Variants in PRKCA observed in about 807,000 individuals in gnomAD.
PRKCA encodes protein kinase C alpha, also known as protein kinase C alpha type.
In PRKCA, 27 loss-of-function variants were observed where a neutral mutation model predicts 87.0. The observed-to-expected ratio is 0.31, with a 90% CI of 0.23 to 0.43. The LOEUF (loss-of-function observed/expected upper bound fraction) is 0.43, where lower values mean the gene tolerates loss of function less well. Ranked by LOEUF, PRKCA falls within the 20% of genes least tolerant of loss-of-function variation. PRKCA has a pLI of 1.00. For missense variants in PRKCA, 518 were observed against 852.3 expected, an observed-to-expected ratio of 0.61 and a Z score of 4.88; for synonymous variants, 329 against 311.1, an observed-to-expected ratio of 1.06 and a Z score of -0.61.
intron 3 of PRKCA, among the ~76,000 whole-genome samples, chr17:66,602,343 C>T (rs1232489885): frequency 2.1e-5 from 3 of 141,326 alleles, no homozygotes; most frequent in African/African-American, 8.2e-5. Context: ...CAGGTGCGTC[C>T]GTCACCCCTT....
Position 66,742,760 on chromosome 17 carries a change from G to A in PRKCA, c.1524G>A (p.Glu508=). 1 of 1,613,546 alleles carries A rather than the reference G, an allele frequency of 6.2e-7. No individual in the cohort carries two copies. Among genetic ancestry groups the A allele is most frequent in the African/African-American group, 1.3e-5 (1 of 75,024 alleles). ...GGACTCCAGATTATATCGCCCCAGAGGTAGGAACCCCAGTGATCGTTTTCT... is the reference window on the plus strand; with the variant it reads ...GGACTCCAGATTATATCGCCCCAGAAGTAGGAACCCCAGTGATCGTTTTCT... ...FCGTPDYIAP[E]IIAYQPYGKS... Residue 508 remains glutamate, a splice_region_variant and synonymous_variant, in exon 13 of 17, where the codon GAG becomes GAA. Coordinates refer to ENST00000413366, the MANE Select transcript of PRKCA (RefSeq NM_002737.3).
At chr17:66,311,863 C>T (rs1419821115) in intron 2 of PRKCA, among the ~76,000 whole-genome samples, 1 of 152,182 alleles carries the variant, frequency 6.6e-6, no homozygotes, top group Non-Finnish European at 1.5e-5. Context: ...AATCCTACCC[C>T]CGCCACCAGA....
chr17:66,461,219 A>G lies in PRKCA; in HGVS notation c.206-34982A>G, dbSNP rs2535658. ...AGACCCCATCTCAAAAAAAAAAAAA[A>G]AAAAGAAAAGAAAATCACATCCCAA... On this transcript the variant is annotated intron_variant, in intron 2 of 16. Coordinates refer to ENST00000413366, the MANE Select transcript of PRKCA (RefSeq NM_002737.3). Among the ~76,000 whole-genome samples the G allele has an allele frequency of 6.1e-3, 922 of 151,752 alleles. 7 individuals carry two copies. The highest frequency in any genetic ancestry group is 0.018 in the African/African-American group (749 of 41,386).
chr17:66,407,459 A>G (rs906145395), intron 2 of PRKCA, among the ~76,000 whole-genome samples: 2 of 152,190 alleles, frequency 1.3e-5, no homozygotes, highest in East Asian at 1.9e-4. Flanking sequence ...CCAGAAGCCA[A>G]GCGGAAGCCA....
At chr17:66,398,165 A>G (rs1034124012) in intron 2 of PRKCA, 2 of 152,202 alleles carry the variant, frequency 1.3e-5, no homozygotes, top group Admixed American at 6.5e-5. Flanking sequence ...AAGGCTGGGA[A>G]TTGAATGGAC....
intron 11 of PRKCA, among the ~76,000 whole-genome samples, chr17:66,740,806 G>T (rs1429348289): frequency 6.6e-6 from 1 of 152,180 alleles, no homozygotes. Flanking sequence ...TTGTGTTGCA[G>T]AAAAGTTTAG....
chr17:66,771,658 C>G (rs944612998), intron 13 of PRKCA, among the ~76,000 whole-genome samples: 2 of 152,000 alleles, frequency 1.3e-5, no homozygotes, highest in African/African-American at 2.4e-5. Context: ...CAGTGGTATG[C>G]AGTCTTGGCT....
chr17:66,704,874 C>T (rs1038124790), intron 8 of PRKCA, among the ~76,000 whole-genome samples: 1 of 152,172 alleles, frequency 6.6e-6, no homozygotes, highest in South Asian at 2.1e-4. Flanking sequence ...TCTCTTTTAT[C>T]AGAATTAGAT....
At chr17:66,487,517 C>T (rs1408581264) in intron 2 of PRKCA, among the ~76,000 whole-genome samples, 1 of 152,146 alleles carries the variant, frequency 6.6e-6, no homozygotes, top group Non-Finnish European at 1.5e-5. Flanking sequence ...ACTGATTTCC[C>T]TTCTTTCTGA....
At chr17:66,574,693 C>T (rs1243400351) in intron 3 of PRKCA, among the ~76,000 whole-genome samples, 2 of 149,832 alleles carry the variant, frequency 1.3e-5, no homozygotes, top group Admixed American at 1.3e-4. Flanking sequence ...GGCATTTAAC[C>T]AGTTAGCATG....
At chr17:66,502,964 C>G (rs1916810371) in intron 3 of PRKCA, among the ~76,000 whole-genome samples, 1 of 152,180 alleles carries the variant, frequency 6.6e-6, no homozygotes, top group Non-Finnish European at 1.5e-5. Context: ...CAGCGTGCCC[C>G]CCAGCTTTCT....
intron 2 of PRKCA, among the ~76,000 whole-genome samples, chr17:66,394,670 T>G (rs1328109335): frequency 6.6e-6 from 1 of 152,194 alleles, no homozygotes; most frequent in African/African-American, 2.4e-5. Flanking sequence ...TCTTGAATTG[T>G]AATCCCCATA....
At chr17:66,519,528 C>T (rs947796479) in intron 3 of PRKCA, among the ~76,000 whole-genome samples, 3 of 152,150 alleles carry the variant, frequency 2.0e-5, no homozygotes, top group Non-Finnish European at 1.5e-5. Context: ...AATTCCATAA[C>T]CTTCCTGGCC....
In PRKCA at chr17:66,765,454, A is replaced by ATATATC. The variant is rs1218360664; in HGVS notation, c.1525-8532_1525-8531insATATCT. 4.8e-4 allele frequency among the ~76,000 whole-genome samples: 63 copies of ATATATC among 130,066 alleles called. 3 individuals are homozygous for ATATATC. The highest frequency in any genetic ancestry group is 4.0e-3 in the East Asian group (18 of 4,452). 85.3% of individuals were successfully genotyped at this position (130,066 alleles called of 152,430 possible). A position where few individuals can be genotyped will look rare whatever the true frequency, so the allele number is the denominator to read the frequency against. Reference sequence around the variant, plus strand: ...TATATATATATATATATATATATATATCCATATATATACATATTTGTCCAT... The same window carrying ATATATC: ...TATATATATATATATATATATATATATATATCTCCATATATATACATATTTGTCCAT... On this transcript the variant is annotated intron_variant, in intron 13 of 16. Transcript: ENST00000413366.
intron 2 of PRKCA, among the ~76,000 whole-genome samples, chr17:66,407,611 A>G (rs1911492351): frequency 6.6e-6 from 1 of 152,164 alleles, no homozygotes; most frequent in Non-Finnish European, 1.5e-5. Context: ...GGACCTAAAT[A>G]TATCCCAGGA....
chr17:66,430,347 C>T (rs1478547081), intron 2 of PRKCA, among the ~76,000 whole-genome samples: 3 of 151,834 alleles, frequency 2.0e-5, no homozygotes, highest in African/African-American at 4.8e-5. Flanking sequence ...TACAGGGACA[C>T]CTCTGCCATG....
chr17:66,348,005 A>G (rs1907508909), intron 2 of PRKCA, among the ~76,000 whole-genome samples: 1 of 123,334 alleles, frequency 8.1e-6, no homozygotes, highest in African/African-American at 3.0e-5. Flanking sequence ...GCAGTGGCCC[A>G]GTCTTAGCTC....
At chr17:66,396,264 A>G (rs1216396128) in intron 2 of PRKCA, among the ~76,000 whole-genome samples, 2 of 152,160 alleles carry the variant, frequency 1.3e-5, no homozygotes, top group Non-Finnish European at 1.5e-5. Context: ...GAAGTTTTGG[A>G]AAACATTAGA....
chr17:66,703,095 A>G (rs1243544343), intron 8 of PRKCA, among the ~76,000 whole-genome samples: 1 of 152,162 alleles, frequency 6.6e-6, no homozygotes, highest in African/African-American at 2.4e-5. Flanking sequence ...CTTAGGCTAC[A>G]CTCAATTTAT....
Sources: allele counts gnomAD v4.1 joint callset (sites outside exome capture counted in the v4.1 genomes callset), GRCh38; gene constraint gnomAD v4.1.1; transcripts MANE v1.5; gene names NCBI Gene and HGNC (gene_info 2026-07-23, HGNC 2026-07-21).